The following EHMT1 variants were observed in gnomAD, a reference collection of about 807,000 sequenced individuals.
EHMT1 encodes histone-lysine N-methyltransferase EHMT1.
In EHMT1, 15 loss-of-function variants were observed where a neutral mutation model predicts 147.2. The observed-to-expected ratio is 0.10, with a 90% confidence interval of 0.07 to 0.16. The LOEUF (loss-of-function observed/expected upper bound fraction) is 0.16. Ranked by LOEUF, EHMT1 falls within the 10% of genes least tolerant of loss-of-function variation. The pLI, the probability that EHMT1 is intolerant of heterozygous loss-of-function variation, is 1.00. For synonymous variants in EHMT1, 795 were observed against 709.6 expected, an observed-to-expected ratio of 1.12 and a Z score of -1.91; for missense variants, 1,587 against 1,772.4, an observed-to-expected ratio of 0.90 and a Z score of 1.88.
Position 137,776,693 on chromosome 9 carries a change from A to G in EHMT1, c.1867A>G (p.Asn623Asp), listed in dbSNP as rs1321756411. The G allele has an allele frequency of 1.9e-6, 3 of 1,614,126 alleles. No individual in the cohort carries two copies. The highest frequency in any genetic ancestry group is 4.5e-5 in the East Asian group (2 of 44,870). Residue 623 changes from asparagine (N) to aspartate (D), a missense_variant, in exon 12 of 27, where the codon AAC (asparagine) becomes GAC (aspartate). Asn to Asp is a conservative substitution (Grantham distance 23, BLOSUM62 1). This residue lies in a region of EHMT1 where 124 missense variants were observed against 197.8 expected (regional missense o/e 0.63). Transcript: ENST00000460843. The surrounding 1 kb of genome is among the most constrained non-coding windows in gnomAD (Gnocchi z 4.4). ...FHKDCASRVN[N>D]ASYCPHCGEE... ...CAAAGACTGTGCCTCTCGAGTCAAT[A>G]ACGCCAGCTATTGTCCCCACTGTGG...
Position 137,782,058 on chromosome 9 carries a change from GC to G in EHMT1, c.2276-231del, listed in dbSNP as rs972711409. On this transcript the variant is annotated intron_variant, in intron 14 of 26. Transcript: ENST00000460843. The surrounding 1 kb of genome is among the most constrained non-coding windows in gnomAD (Gnocchi z 5.7). ...AGCAGGGTGGTAAAGGGAAGAGCGTGCCTTGCCGAGTTAGTTCTGACAGAGG... is the reference window on the plus strand; with the variant it reads ...AGCAGGGTGGTAAAGGGAAGAGCGTGCTTGCCGAGTTAGTTCTGACAGAGG... Among the ~76,000 whole-genome samples the G allele has an allele frequency of 1.3e-5, 2 of 151,994 alleles. No homozygotes were observed. The highest frequency in any genetic ancestry group is 2.4e-5 in the African/African-American group (1 of 41,380).
intron 25 of EHMT1, chr9:137,833,999 A>C: frequency 9.4e-6 from 3 of 317,660 alleles, no homozygotes; most frequent in South Asian, 3.6e-5. Flanking sequence ...CCTTTCTCCT[A>C]TTGGTGCCAG....
At chr9:137,689,387 T>C (rs1942740876) in intron 1 of EHMT1, among the ~76,000 whole-genome samples, 1 of 152,168 alleles carries the variant, frequency 6.6e-6, no homozygotes, top group Non-Finnish European at 1.5e-5. Flanking sequence ...TTCTATGTGT[T>C]GGTTGACATT....
rs1050977100 is a variant in EHMT1, at chr9:137,619,041, G to T, written c.13G>T (p.Asp5Tyr). 2.1e-6 allele frequency: 2 copies of T among 961,258 alleles called. No individual in the cohort carries two copies. Among genetic ancestry groups the T allele is most frequent in the African/African-American group, 1.8e-5 (1 of 56,216 alleles). 59.5% of individuals were successfully genotyped at this position (961,258 alleles called of 1,614,324 possible). MAAA[D>Y]AEAVPARGEP... ...GCGGGCCCGGGCCATGGCCGCCGCC[G>T]ATGCCGAGGTGAGCAGCGGGGCCGG... The change falls in exon 1 of 27, where the codon GAT becomes TAT. Residue 5 changes from aspartate to tyrosine, a missense_variant. Physicochemically the swap from Asp to Tyr is radical, Grantham distance 160. Coordinates refer to ENST00000460843, the MANE Select transcript of EHMT1 (RefSeq NM_024757.5).
intron 1 of EHMT1, among the ~76,000 whole-genome samples, chr9:137,629,398 T>TTTG (rs1450964415): frequency 6.7e-6 from 1 of 149,294 alleles, no homozygotes; most frequent in Admixed American, 6.7e-5. Context: ...GGCCAGTTTT[T>TTTG]TTGTTGTTGT....
chr9:137,768,404 A>G (rs1588612478), intron 10 of EHMT1, among the ~76,000 whole-genome samples: 1 of 122,114 alleles, frequency 8.2e-6, no homozygotes, highest in South Asian at 2.7e-4. Context: ...CCCGGGTTGG[A>G]GTGCAGTGGC....
At position 137,757,958 on chromosome 9, in the gene EHMT1, C is replaced by A. The variant is rs1010619841; in HGVS notation, c.1448C>A (p.Ser483Tyr). 8 of 1,613,970 alleles carry A rather than the reference C, an allele frequency of 5.0e-6. No individual in the cohort carries two copies. Among genetic ancestry groups the A allele is most frequent in the Non-Finnish European group, 8.5e-7 (1 of 1,180,032 alleles). Residue 483 changes from serine to tyrosine, a missense_variant, in exon 9 of 27, where the codon TCT becomes TAT. Physicochemically the swap from Ser to Tyr is moderately radical, Grantham distance 144. Coordinates refer to ENST00000460843, the MANE Select transcript of EHMT1 (RefSeq NM_024757.5). ...GACAGCACAGGGTACATGGAAGTTT[C>A]TCTGGACTCCCTGGATCTCCGAGTC... ...PGDSTGYMEV[S>Y]LDSLDLRVKG...
chr9:137,696,296 G>A (rs1943389223), intron 1 of EHMT1, among the ~76,000 whole-genome samples: 2 of 152,322 alleles, frequency 1.3e-5, no homozygotes, highest in South Asian at 2.1e-4. Flanking sequence ...CATCTCACGA[G>A]TTTCCTGGAC....
At chr9:137,751,556 G>T (rs1948969619) in intron 6 of EHMT1, among the ~76,000 whole-genome samples, 1 of 152,188 alleles carries the variant, frequency 6.6e-6, no homozygotes, top group East Asian at 1.9e-4. Context: ...GCCTTAGGGA[G>T]TGCCGGGCAC....
At chr9:137,709,920 G>A (rs1944551562) in intron 1 of EHMT1, among the ~76,000 whole-genome samples, 1 of 152,054 alleles carries the variant, frequency 6.6e-6, no homozygotes, top group Non-Finnish European at 1.5e-5. Flanking sequence ...ACCAGGTGTG[G>A]GTGTCAGCCT....
chr9:137,790,747 G>GCAGCTCTCT lies in EHMT1; in HGVS notation c.2383-100_2383-92dup, dbSNP rs1329586939. The GCAGCTCTCT allele has an allele frequency of 3.9e-6, 6 of 1,549,290 alleles. No individual in the cohort carries two copies. The African/African-American group carries it at 8.2e-5, about 21-fold the overall frequency. ...AGACATTGTTGGTCACTGAAACAGT[G>GCAGCTCTCT]CAGCTCTCTTTTTTTGAGTGTGGAA... On this transcript the variant is annotated intron_variant, in intron 15 of 26. Transcript: ENST00000460843.
chr9:137,677,478 C>T (rs528828640), intron 1 of EHMT1, among the ~76,000 whole-genome samples: 1 of 151,980 alleles, frequency 6.6e-6, no homozygotes, highest in Non-Finnish European at 1.5e-5. Context: ...GATGGAGTCT[C>T]CCTCTTTCGT....
chr9:137,833,713 C>G (rs1956386024), intron 25 of EHMT1, among the ~76,000 whole-genome samples: 1 of 152,258 alleles, frequency 6.6e-6, no homozygotes, highest in African/African-American at 2.4e-5. Flanking sequence ...GGGCTCCTCT[C>G]CAAGGCACCA....
chr9:137,619,806 A>ACCACT (rs1842842526), intron 1 of EHMT1, among the ~76,000 whole-genome samples: 2 of 152,058 alleles, frequency 1.3e-5, no homozygotes, highest in Non-Finnish European at 2.9e-5. Context: ...AGCAGCGTAG[A>ACCACT]GATTAAAGTC....
In EHMT1 at chr9:137,776,749, G is replaced by A. The variant is rs375663182; in HGVS notation, c.1923G>A (p.Thr641=). ...AGAGCTCCAAGGCCAAAGAGGTGACGATAGCTAAAGCAGACACCACCTCGA... is the reference window on the plus strand; with the variant it reads ...AGAGCTCCAAGGCCAAAGAGGTGACAATAGCTAAAGCAGACACCACCTCGA... The part of the protein sequence containing the change: ...GEESSKAKEV[T]IAKADTTSTV... Residue 641 remains threonine (T), a synonymous_variant, in exon 12 of 27, where the codon ACG becomes ACA. Coordinates refer to ENST00000460843, the MANE Select transcript of EHMT1 (RefSeq NM_024757.5). The surrounding 1 kb of genome is among the most constrained non-coding windows in gnomAD (Gnocchi z 4.4). 7 of 1,613,902 alleles carry A rather than the reference G, an allele frequency of 4.3e-6. No individual in the cohort carries two copies. Among genetic ancestry groups the A allele is most frequent in the East Asian group, 2.2e-5 (1 of 44,864 alleles).
At chr9:137,660,302 C>T (rs1017292731) in intron 1 of EHMT1, among the ~76,000 whole-genome samples, 4 of 151,964 alleles carry the variant, frequency 2.6e-5, no homozygotes, top group Non-Finnish European at 5.9e-5. Flanking sequence ...CACCACTGCC[C>T]TCTAGCCTGG....
At chr9:137,694,315 AC>A (rs201874281) in intron 1 of EHMT1, among the ~76,000 whole-genome samples, 45 of 109,356 alleles carry the variant, frequency 4.1e-4, no homozygotes, top group Non-Finnish European at 4.5e-4. Context: ...GCTAACCGAT[AC>A]CCCCCACACA....
chr9:137,797,644 C>T (rs556773227), intron 16 of EHMT1, among the ~76,000 whole-genome samples: 10 of 152,182 alleles, frequency 6.6e-5, no homozygotes, highest in African/African-American at 1.4e-4. Flanking sequence ...GAACACTAGC[C>T]GTGTGGGAAC....
At chr9:137,633,165 G>A (rs1219722333) in intron 1 of EHMT1, among the ~76,000 whole-genome samples, 5 of 152,162 alleles carry the variant, frequency 3.3e-5, no homozygotes, top group Non-Finnish European at 7.3e-5. Flanking sequence ...GGACAGGGAA[G>A]GCATGCTCAG....
Sources: allele counts gnomAD v4.1 joint callset (sites outside exome capture counted in the v4.1 genomes callset), GRCh38; gene constraint gnomAD v4.1.1; regional missense constraint gnomAD v4.1.1; non-coding constraint Gnocchi (gnomAD v3.1); transcripts MANE v1.5; gene names NCBI Gene and HGNC (gene_info 2026-07-23, HGNC 2026-07-21).